The following CMTR1 variants were observed in gnomAD, a reference collection of about 807,000 sequenced individuals.
The protein encoded by CMTR1 is cap methyltransferase 1, also known as cap-specific mRNA (nucleoside-2'-O-)-methyltransferase 1.
Under a neutral mutation model 107.0 loss-of-function variants are expected in CMTR1, and 39 were observed. The ratio of observed to expected loss-of-function variants is 0.36; its 90% CI spans 0.28 to 0.48. CMTR1 has a LOEUF of 0.48. CMTR1 is among the 20% of genes least tolerant of loss of function. CMTR1 has a pLI of 0.99. For synonymous variants in CMTR1, 366 were observed against 379.5 expected (o/e 0.96, Z 0.41); for missense variants, 672 against 1,064.9 (o/e 0.63, Z 5.14).
chr6:37,453,080 C>A lies in CMTR1; in HGVS notation c.643C>A (p.Arg215=). The A allele has an allele frequency of 3.1e-6, 5 of 1,614,066 alleles. No individual in the cohort carries two copies. The highest frequency in any genetic ancestry group is 2.5e-6 in the Non-Finnish European group (3 of 1,180,000). ...VFDVLDGEEM[R]RARTRANPYE... is the part of the protein sequence containing the mutation. ...TGATGTCTTGGATGGGGAAGAGATG[C>A]GGCGAGCTCGGACTCGGGCCAATCC... The change falls in exon 7 of 24, where the codon CGG becomes AGG. Residue 215 remains arginine, a synonymous_variant. Coordinates refer to ENST00000373451, the MANE Select transcript of CMTR1 (RefSeq NM_015050.3).
chr6:37,434,734 C>T (rs913489428), intron 1 of CMTR1, among the ~76,000 whole-genome samples: 2 of 152,058 alleles, frequency 1.3e-5, no homozygotes, highest in Non-Finnish European at 2.9e-5. Flanking sequence ...AGCGGTTCTC[C>T]TGAGTAGCTG....
At chr6:37,455,298 T>C (rs758895106) in intron 8 of CMTR1, among the ~76,000 whole-genome samples, 2 of 152,258 alleles carry the variant, frequency 1.3e-5, no homozygotes, top group Non-Finnish European at 1.5e-5. Context: ...AGGCTGGTAT[T>C]AAACTCCCGA....
upstream of CMTR1, among the ~76,000 whole-genome samples, chr6:37,429,461 C>A (rs1383670506): frequency 2.0e-5 from 3 of 152,180 alleles, no homozygotes; most frequent in Admixed American, 2.0e-4. Context: ...AGAATCAATT[C>A]ATGAATTGGG....
chr6:37,430,906 C>T (rs888695421), upstream of CMTR1, among the ~76,000 whole-genome samples: 4 of 149,946 alleles, frequency 2.7e-5, no homozygotes, highest in African/African-American at 7.4e-5. Context: ...CCCAGCTACT[C>T]GGCAGGCTGA....
the CMTR1 span, among the ~76,000 whole-genome samples, chr6:37,424,449 G>A: frequency 0.11 from 17,064 of 151,064 alleles, 1,471 homozygotes; most frequent in African/African-American, 0.25. Context: ...GGGTTTCGCC[G>A]TGTTAGCCAG....
intron 13 of CMTR1, among the ~76,000 whole-genome samples, chr6:37,463,980 G>A (rs1236222700): frequency 6.6e-6 from 1 of 152,170 alleles, no homozygotes; most frequent in Non-Finnish European, 1.5e-5. Context: ...CTGAACAAGT[G>A]TGCATAGATG....
intron 14 of CMTR1, among the ~76,000 whole-genome samples, 183 bp from the exon 15 acceptor site, chr6:37,471,664 T>C (rs79125267): frequency 1.3e-5 from 2 of 152,194 alleles, no homozygotes; most frequent in East Asian, 3.8e-4. Context: ...TTTGAGCTCC[T>C]GTCTTCAAAA....
chr6:37,428,008 C>G, the CMTR1 span, among the ~76,000 whole-genome samples: 543 of 114,606 alleles, frequency 4.7e-3, 3 homozygotes, highest in African/African-American at 0.015. Context: ...GCAACAGAGA[C>G]AGAGAGAGAG....
intron 23 of CMTR1, 84 bp downstream of exon 23, chr6:37,479,339 C>A: frequency 1.0e-6 from 1 of 975,676 alleles, no homozygotes; most frequent in Non-Finnish European, 1.7e-6. Context: ...TGGGGGCACA[C>A]CCTGGGTCCT....
intron 2 of CMTR1, 149 bp downstream of exon 2, chr6:37,435,911 C>A: frequency 1.4e-6 from 1 of 730,868 alleles, no homozygotes; most frequent in Non-Finnish European, 2.1e-6. Flanking sequence ...TGGCTATAGA[C>A]TCTTTTCCCT....
chr6:37,477,281 T>TGA (rs1761758270), intron 20 of CMTR1, among the ~76,000 whole-genome samples: 1 of 152,228 alleles, frequency 6.6e-6, no homozygotes, highest in Non-Finnish European at 1.5e-5. Flanking sequence ...GTGGGAATGC[T>TGA]GACAGAGACA....
At chr6:37,440,370 G>C (rs1771643908) in intron 2 of CMTR1, among the ~76,000 whole-genome samples, 1 of 152,232 alleles carries the variant, frequency 6.6e-6, no homozygotes, top group African/African-American at 2.4e-5. Flanking sequence ...CATATGAAAA[G>C]AGTAGCCTCA....
rs1761326992 is a variant in CMTR1 at position 37,457,818 on chromosome 6, C to T, written c.778-794C>T. The stretch of plus-strand genomic sequence containing the variant: ...GTGGCTGGGAGAGGGTGTTAGAGCC[C>T]CCCAGCCTTTGGTTGGACAGGAAGA... On this transcript the variant is annotated intron_variant, in intron 8 of 23. Coordinates refer to ENST00000373451, the MANE Select transcript of CMTR1 (RefSeq NM_015050.3). Among the ~76,000 whole-genome samples the T allele has an allele frequency of 2.0e-5, 3 of 152,210 alleles. No individual in the cohort carries two copies. The South Asian group carries it at 6.2e-4, about 32-fold the overall frequency.
chr6:37,472,385 T>G lies in CMTR1; in HGVS notation c.1621-34T>G. 6.2e-7 allele frequency: 1 copy of G among 1,610,348 alleles called. No homozygotes were observed. Among genetic ancestry groups the G allele is most frequent in the Non-Finnish European group, 8.5e-7 (1 of 1,176,596 alleles). On this transcript the variant is annotated intron_variant, in intron 15 of 23. Coordinates refer to ENST00000373451, the MANE Select transcript of CMTR1 (RefSeq NM_015050.3). This position sits in a 1 kb window ranked among gnomAD's most constrained non-coding sequence, Gnocchi z 4.1. ...TACACGGTCTTGGTCAAAAGGGCATTTGAAAGTCAAAGCTCTTTGCTGTCT... is the reference window on the plus strand; with the variant it reads ...TACACGGTCTTGGTCAAAAGGGCATGTGAAAGTCAAAGCTCTTTGCTGTCT...
chr6:37,444,272 T>A (rs1771736639), intron 3 of CMTR1, 122 bp downstream of exon 3: 2 of 1,238,658 alleles, frequency 1.6e-6, no homozygotes, highest in Admixed American at 4.8e-5. Context: ...TTTCAGCTAC[T>A]GAAATTTAGC....
chr6:37,444,232 A>G (rs918804631), intron 3 of CMTR1, 82 bp downstream of exon 3: 25 of 1,533,998 alleles, frequency 1.6e-5, no homozygotes, highest in Middle Eastern at 3.5e-4. Flanking sequence ...TGAAAAGAAG[A>G]AAAGTTTGGC....
In CMTR1 at chr6:37,480,974, A is replaced by C. The variant is rs1162407571; in HGVS notation, c.*829A>C. ...AGCAGCAGGGGCCCCAGCAGTAACA[A>C]AGGGTACCTCCAGGGGTTTGGGTAG... is the stretch of plus-strand genomic sequence containing the variant. On this transcript the variant is annotated 3_prime_UTR_variant, in exon 24 of 24. Transcript: ENST00000373451. 1 of 1,278,686 alleles carries C rather than the reference A, an allele frequency of 7.8e-7. No individual in the cohort carries two copies. The highest frequency in any genetic ancestry group is 1.0e-6 in the Non-Finnish European group (1 of 979,040). The allele number at this position is 1,278,686 out of a possible 1,614,324, so 79.2% of individuals were successfully genotyped here.
upstream of CMTR1, among the ~76,000 whole-genome samples, chr6:37,429,063 T>G (rs1243051259): frequency 6.6e-6 from 1 of 152,230 alleles, no homozygotes; most frequent in Non-Finnish European, 1.5e-5. Context: ...CGTCTGGTAT[T>G]GTTCCCTGGG....
chr6:37,429,653 T>C (rs1771337402), upstream of CMTR1, among the ~76,000 whole-genome samples: 1 of 152,238 alleles, frequency 6.6e-6, no homozygotes, highest in Admixed American at 6.5e-5. Flanking sequence ...GTTTACCTGC[T>C]ATGATTAGCC....
Sources: allele counts gnomAD v4.1 joint callset (sites outside exome capture counted in the v4.1 genomes callset), GRCh38; gene constraint gnomAD v4.1.1; non-coding constraint Gnocchi (gnomAD v3.1); transcripts MANE v1.5; gene names NCBI Gene and HGNC (gene_info 2026-07-23, HGNC 2026-07-21).